CBR4: variants seen among roughly 807,000 people sequenced by gnomAD.
CBR4 encodes the protein 3-oxoacyl-[acyl-carrier-protein] reductase.
A neutral mutation model predicts 21.0 loss-of-function variants in CBR4; 22 were observed. That is an observed-to-expected ratio of 1.05 (90% CI 0.75 to 1.50). CBR4 has a LOEUF of 1.50. Among genes scored for constraint, CBR4 ranks in the 40% most tolerant of loss-of-function variants. The pLI is 0.00. For missense variants in CBR4, 302 were observed against 286.3 expected (o/e 1.05, Z -0.40); for synonymous variants, 100 against 104.4 (o/e 0.96, Z 0.26).
At chr4:168,999,270 C>T (rs899954905) in intron 4 of CBR4, among the ~76,000 whole-genome samples, 2 of 151,964 alleles carry the variant, frequency 1.3e-5, no homozygotes, top group African/African-American at 4.8e-5. Context: ...TTGAAGGTGA[C>T]CAGGAAAACT....
intron 2 of CBR4, among the ~76,000 whole-genome samples, chr4:168,952,292 T>C (rs1221683875): frequency 1.3e-5 from 2 of 152,184 alleles, no homozygotes; most frequent in Admixed American, 6.6e-5. Context: ...TGGTTATCTA[T>C]TTCCTTGAAC....
At chr4:168,974,131 G>A (rs894492931) in intron 2 of CBR4, among the ~76,000 whole-genome samples, 3 of 152,132 alleles carry the variant, frequency 2.0e-5, no homozygotes, top group East Asian at 1.9e-4. Context: ...TGGCGAATTC[G>A]CTCAGCATTT....
chr4:168,913,789 A>G, intron 2 of CBR4: 1 of 672,204 alleles, frequency 1.5e-6, no homozygotes, highest in Non-Finnish European at 2.7e-6. Context: ...TTTTCTGAAA[A>G]GGGTTAGTCA....
At chr4:168,969,942 T>A (rs1200419690) in intron 2 of CBR4, among the ~76,000 whole-genome samples, 1 of 152,232 alleles carries the variant, frequency 6.6e-6, no homozygotes, top group East Asian at 1.9e-4. Flanking sequence ...TCAGACTTAT[T>A]AATTTTTGCC....
chr4:168,908,970 G>A (rs1414126093), intron 2 of CBR4, among the ~76,000 whole-genome samples: 1 of 152,092 alleles, frequency 6.6e-6, no homozygotes, highest in Admixed American at 6.5e-5. Flanking sequence ...ATTCTACTTG[G>A]GATAGAACAC....
chr4:169,006,575 C>G (rs1730927565), intron 3 of CBR4, among the ~76,000 whole-genome samples, 180 bp downstream of exon 3: 3 of 152,166 alleles, frequency 2.0e-5, no homozygotes, highest in African/African-American at 7.2e-5. Flanking sequence ...CTGCCTGACT[C>G]CTATAGGGAT....
chr4:168,904,073 T>C, intron 2 of CBR4: 1 of 671,280 alleles, frequency 1.5e-6, no homozygotes, highest in Non-Finnish European at 2.6e-6. Flanking sequence ...AAAAATTCTT[T>C]GTTTCATGAA....
chr4:168,956,414 G>A (rs1375625007), intron 2 of CBR4, among the ~76,000 whole-genome samples: 1 of 151,500 alleles, frequency 6.6e-6, no homozygotes, highest in Non-Finnish European at 1.5e-5. Context: ...GGGCAACATG[G>A]CAGAACCCTG....
At chr4:168,900,393 A>G (rs993401191) in intron 2 of CBR4, among the ~76,000 whole-genome samples, 21 of 152,350 alleles carry the variant, frequency 1.4e-4, no homozygotes, top group Non-Finnish European at 2.4e-4. Flanking sequence ...AAAGATTGAA[A>G]CAATTTTAAA....
At chr4:168,979,175 AC>A (rs1764465251) in intron 2 of CBR4, among the ~76,000 whole-genome samples, 3 of 130,366 alleles carry the variant, frequency 2.3e-5, no homozygotes, top group African/African-American at 9.8e-5. Context: ...CTGCTCCCAC[AC>A]CCCAAGCACA....
intron 4 of CBR4, among the ~76,000 whole-genome samples, chr4:168,997,628 A>G (rs1765269089): frequency 2.0e-5 from 3 of 152,198 alleles, no homozygotes. Context: ...TAAAAAGATT[A>G]TATCCTTTAT....
At chr4:168,914,082 T>A in intron 2 of CBR4, 1 of 1,009,928 alleles carries the variant, frequency 9.9e-7, no homozygotes, top group Non-Finnish European at 1.6e-6. Flanking sequence ...ATAAATGTAG[T>A]ACTATTAGAA....
chr4:168,967,437 A>G (rs1764076821), intron 2 of CBR4, among the ~76,000 whole-genome samples: 1 of 152,234 alleles, frequency 6.6e-6, no homozygotes, highest in Admixed American at 6.5e-5. Context: ...GCAAACCAAC[A>G]TGGCACATGT....
intron 2 of CBR4, chr4:168,925,208 GCTCT>G (rs536545858): frequency 3.8e-6 from 6 of 1,583,098 alleles, no homozygotes; most frequent in Middle Eastern, 1.7e-4. Context: ...AATTCATATT[GCTCT>G]CTCTCTCTTT....
chr4:169,007,519 AGTT>A (rs1731005935), intron 2 of CBR4, 114 bp downstream of exon 2: 1 of 518,956 alleles, frequency 1.9e-6, no homozygotes, highest in Non-Finnish European at 3.0e-6. Flanking sequence ...GTTTTAAAAT[AGTT>A]TTTTCTCCCA....
intron 2 of CBR4, among the ~76,000 whole-genome samples, chr4:168,923,826 G>T (rs1023928271): frequency 2.0e-5 from 3 of 152,112 alleles, no homozygotes; most frequent in African/African-American, 7.2e-5. Flanking sequence ...CATGGCAAAC[G>T]GCAGTGAGGG....
At chr4:168,985,004 A>T (rs1280026428), downstream of CBR4, among the ~76,000 whole-genome samples, 1 of 152,206 alleles carries the variant, frequency 6.6e-6, no homozygotes. Flanking sequence ...GGGCCCAGGT[A>T]AAAACTTGAT....
intron 2 of CBR4, among the ~76,000 whole-genome samples, chr4:168,936,426 G>A (rs191266429): frequency 1.1e-4 from 17 of 152,256 alleles, no homozygotes; most frequent in Non-Finnish European, 2.4e-4. Context: ...ACTGGACAGA[G>A]AATGAGTTTG....
At chr4:169,009,080 A>T (rs767150962) in intron 1 of CBR4, 1 of 442,392 alleles carries the variant, frequency 2.3e-6, no homozygotes, top group South Asian at 1.6e-5. Context: ...AAAAAAAACC[A>T]GATACACAAA....
Sources: gnomAD v4.1 joint callset for allele counts (sites outside exome capture counted in the v4.1 genomes callset) on GRCh38, gnomAD v4.1.1 for gene constraint, MANE v1.5 for transcripts, NCBI Gene and HGNC (gene_info 2026-07-23, HGNC 2026-07-21) for gene names.